The following ANKRD30B variants were observed in gnomAD, a reference collection of about 807,000 sequenced individuals.
The protein encoded by ANKRD30B is ankyrin repeat domain 30B, also known as ankyrin repeat domain-containing protein 30B.
Under a neutral mutation model 202.2 loss-of-function variants are expected in ANKRD30B, and 144 were observed. The observed-to-expected ratio is 0.71, with a 90% confidence interval of 0.62 to 0.82. ANKRD30B has a LOEUF of 0.82. ANKRD30B is among the 40% of genes least tolerant of loss of function. The probability of loss-of-function intolerance (pLI) is 0.00; values close to 1 mark genes in which losing one functional copy is unlikely to be tolerated. For missense variants in ANKRD30B, 1,487 were observed against 1,669.1 expected, an observed-to-expected ratio of 0.89 and a Z score of 1.90; for synonymous variants, 508 against 561.3, an observed-to-expected ratio of 0.91 and a Z score of 1.34.
intron 16 of ANKRD30B, among the ~76,000 whole-genome samples, chr18:14,792,350 G>C (rs1038446459): frequency 6.6e-6 from 1 of 152,054 alleles, no homozygotes; most frequent in East Asian, 1.9e-4. Context: ...TCCTATTTTT[G>C]AGTATGTTTT....
the ANKRD30B span, among the ~76,000 whole-genome samples, chr18:14,885,427 T>C: frequency 2.6e-5 from 4 of 152,050 alleles, no homozygotes; most frequent in South Asian, 2.1e-4. Flanking sequence ...CAACCACTAA[T>C]ACATTATGGA....
the ANKRD30B span, among the ~76,000 whole-genome samples, chr18:14,919,387 C>T: frequency 2.6e-5 from 4 of 152,180 alleles, no homozygotes; most frequent in Non-Finnish European, 5.9e-5. Context: ...AGAACCAGTA[C>T]CTTGGGGCCC....
At chr18:14,936,352 C>A in the ANKRD30B span, among the ~76,000 whole-genome samples, 1 of 152,136 alleles carries the variant, frequency 6.6e-6, no homozygotes, top group Non-Finnish European at 1.5e-5. Context: ...CTTCTTCCAT[C>A]CTCCCTCCTC....
At chr18:14,867,728 G>C in the ANKRD30B span, among the ~76,000 whole-genome samples, 1 of 152,102 alleles carries the variant, frequency 6.6e-6, no homozygotes, top group Non-Finnish European at 1.5e-5. Context: ...GGAGCCCCGG[G>C]CACTGTGGTG....
chr18:14,867,968 G>A, the ANKRD30B span, among the ~76,000 whole-genome samples: 1 of 152,238 alleles, frequency 6.6e-6, no homozygotes, highest in South Asian at 2.1e-4. Flanking sequence ...CCCCTGTGGT[G>A]AGCTGGAGGT....
intron 9 of ANKRD30B, 84 bp from the exon 10 acceptor site, chr18:14,777,901 C>G (rs1438763307): frequency 3.2e-6 from 3 of 929,632 alleles, no homozygotes; most frequent in East Asian, 2.7e-5. Flanking sequence ...CGAGATCACA[C>G]CACTGAGCCA....
rs1405843377 is a variant in ANKRD30B, at chr18:14,748,414, G to T, written c.-6G>T. 6 of 1,480,750 alleles carry T rather than the reference G, an allele frequency of 4.1e-6. No homozygotes were observed. 91.7% of individuals were successfully genotyped at this position (1,480,750 alleles called of 1,614,324 possible). ...CGCGGGCTCTCTCTAGCAGGGGGCT[G>T]CAGCCATGAAGAGGCTCTTAGCTGC... On this transcript the variant is annotated 5_prime_UTR_variant, in exon 1 of 44. Transcript: ENST00000690538.
chr18:14,856,120 A>C (rs1482553896), downstream of ANKRD30B, among the ~76,000 whole-genome samples: 8 of 106,370 alleles, frequency 7.5e-5, no homozygotes, highest in African/African-American at 1.9e-4. Flanking sequence ...CCAGACGGGG[A>C]GACCAGGAAG....
At chr18:14,911,973 A>G in the ANKRD30B span, among the ~76,000 whole-genome samples, 1 of 152,160 alleles carries the variant, frequency 6.6e-6, no homozygotes, top group Non-Finnish European at 1.5e-5. Context: ...TTAATTTTGT[A>G]TTATGAAATG....
At chr18:14,901,178 A>T in the ANKRD30B span, among the ~76,000 whole-genome samples, 3 of 152,222 alleles carry the variant, frequency 2.0e-5, no homozygotes, top group African/African-American at 7.2e-5. Flanking sequence ...TTGTGTCTTT[A>T]ACCATGGCTA....
At chr18:14,932,873 C>A in the ANKRD30B span, among the ~76,000 whole-genome samples, 2 of 152,186 alleles carry the variant, frequency 1.3e-5, no homozygotes, top group East Asian at 3.9e-4. Context: ...TTCTTAAGAA[C>A]GTATTTGGAA....
intron 35 of ANKRD30B, 100 bp downstream of exon 35, chr18:14,837,389 C>T: frequency 1.8e-6 from 2 of 1,095,948 alleles, no homozygotes; most frequent in South Asian, 1.8e-5. Flanking sequence ...ATATAGAAAA[C>T]AATTTTTTAG....
chr18:14,766,975 A>G (rs990459743), intron 7 of ANKRD30B, among the ~76,000 whole-genome samples: 2 of 152,222 alleles, frequency 1.3e-5, no homozygotes, highest in Admixed American at 6.5e-5. Flanking sequence ...AGGGTTGTTA[A>G]GTATACTGTT....
chr18:14,860,791 G>A, the ANKRD30B span, among the ~76,000 whole-genome samples: 16 of 151,998 alleles, frequency 1.1e-4, no homozygotes, highest in Admixed American at 1.0e-3. Flanking sequence ...TGCAACCTCT[G>A]CTTCCTGGAT....
At chr18:14,778,755 A>G (rs1037076877) in intron 10 of ANKRD30B, among the ~76,000 whole-genome samples, 11 of 152,180 alleles carry the variant, frequency 7.2e-5, no homozygotes, top group Admixed American at 2.0e-4. Flanking sequence ...ATAAGTTCTC[A>G]AGTGATGCTG....
At chr18:14,904,046 T>C in the ANKRD30B span, among the ~76,000 whole-genome samples, 16 of 152,174 alleles carry the variant, frequency 1.1e-4, no homozygotes, top group Non-Finnish European at 4.4e-5. Context: ...CAGAGCTCCA[T>C]TGTTATTAAC....
chr18:14,808,249 A>G, intron 24 of ANKRD30B: 1 of 381,114 alleles, frequency 2.6e-6, no homozygotes, highest in Non-Finnish European at 5.0e-6. Context: ...CTTTCCCTAT[A>G]CGGCAGATTA....
chr18:14,822,636 A>G lies in ANKRD30B; in HGVS notation c.2702A>G (p.Asn901Ser), dbSNP rs1970480120. 2 of 1,473,316 alleles carry G rather than the reference A, an allele frequency of 1.4e-6. No homozygotes were observed. The highest frequency in any genetic ancestry group is 9.1e-7 in the Non-Finnish European group (1 of 1,096,240). The allele number at this position is 1,473,316 out of a possible 1,614,324, so 91.3% of individuals were successfully genotyped here. A position where few individuals can be genotyped will look rare whatever the true frequency, so the allele number is the denominator to read the frequency against. ...TGTGGAATGAAAATTTCTCTTCCAA[A>G]TAAAGCCTTAGAATTGAAGGACAGA... Reference protein sequence around the residue: ...PTCGMKISLPNKALELKDRET... With the variant: ...PTCGMKISLPSKALELKDRET... Residue 901 changes from asparagine to serine, a missense_variant, in exon 32 of 44, where the codon AAT becomes AGT. By Grantham distance (46) the Asn-to-Ser change is conservative (BLOSUM62 1). This residue lies in a region of ANKRD30B where 218 missense variants were observed against 320.1 expected (regional missense o/e 0.68). Coordinates refer to ENST00000690538, the MANE Select transcript of ANKRD30B (RefSeq NM_001367607.2).
chr18:14,884,369 GA>G, the ANKRD30B span, among the ~76,000 whole-genome samples: 1 of 152,108 alleles, frequency 6.6e-6, no homozygotes, highest in Non-Finnish European at 1.5e-5. Context: ...TGCACCTCAT[GA>G]GGAATTCTGA....
Sources: allele counts gnomAD v4.1 joint callset (sites outside exome capture counted in the v4.1 genomes callset), GRCh38; gene constraint gnomAD v4.1.1; regional missense constraint gnomAD v4.1.1; transcripts MANE v1.5; gene names NCBI Gene and HGNC (gene_info 2026-07-23, HGNC 2026-07-21).